Variants in SULT2B1 observed in about 807,000 individuals in gnomAD.
The protein encoded by SULT2B1 is sulfotransferase 2B1.
Under a neutral mutation model 33.2 loss-of-function variants are expected in SULT2B1, and 16 were observed. The observed-to-expected ratio is 0.48, with a 90% CI of 0.33 to 0.73. SULT2B1 has a LOEUF of 0.73. Ranked by LOEUF, SULT2B1 falls within the 30% of genes least tolerant of loss-of-function variation. The pLI is 0.02. For missense variants in SULT2B1, 500 were observed against 506.0 expected (o/e 0.99, Z 0.11); for synonymous variants, 186 against 200.5 (o/e 0.93, Z 0.61).
intron 1 of SULT2B1, among the ~76,000 whole-genome samples, chr19:48,558,542 G>A (rs1298915731): frequency 6.6e-6 from 1 of 152,122 alleles, no homozygotes; most frequent in Non-Finnish European, 1.5e-5. Context: ...TCTTATTGAC[G>A]GGGAGGGCGA....
At chr19:48,553,812 G>A (rs967941752) in intron 1 of SULT2B1, among the ~76,000 whole-genome samples, 3 of 152,206 alleles carry the variant, frequency 2.0e-5, no homozygotes, top group Non-Finnish European at 2.9e-5. Context: ...CCAGTTCTGC[G>A]TGAGGGAGGC....
intron 1 of SULT2B1, among the ~76,000 whole-genome samples, chr19:48,559,287 G>C (rs1009870178): frequency 6.6e-6 from 1 of 152,146 alleles, no homozygotes; most frequent in Admixed American, 6.5e-5. Flanking sequence ...CCTGTGTACG[G>C]ACTGGCAGAG....
chr19:48,599,398 C>A lies in SULT2B1; in HGVS notation c.1090C>A (p.Pro364Thr). 2 of 1,553,034 alleles carry A rather than the reference C, an allele frequency of 1.3e-6. No homozygotes were observed. Among genetic ancestry groups the A allele is most frequent in the Non-Finnish European group, 1.7e-6 (2 of 1,148,368 alleles). Residue 364 changes from proline (P) to threonine (T), a missense_variant, in exon 7 of 7, where the codon CCC becomes ACC. Pro to Thr is a conservative substitution (Grantham distance 38). Transcript: ENST00000201586. This position sits in a 1 kb window ranked among gnomAD's most constrained non-coding sequence, Gnocchi z 4.1. ...GGCCTCTGAGACCCCGCACCCACGACCCTCATAATAAACACGTCGATTCTG... is the reference window on the plus strand; with the variant it reads ...GGCCTCTGAGACCCCGCACCCACGAACCTCATAATAAACACGTCGATTCTG... ...GQASETPHPR[P>T]S
intron 3 of SULT2B1, among the ~76,000 whole-genome samples, chr19:48,588,016 C>T (rs1973590133): frequency 6.6e-6 from 1 of 151,022 alleles, no homozygotes; most frequent in Non-Finnish European, 1.5e-5. Flanking sequence ...TCAATACCAG[C>T]TTGGCCAACA....
rs183651057 is a variant in SULT2B1 at position 48,564,226 on chromosome 19, C to T, written c.72-11715C>T. Among the ~76,000 whole-genome samples the T allele has an allele frequency of 5.0e-3, 741 of 149,678 alleles. 5 individuals are homozygous for T. The highest frequency in any genetic ancestry group is 7.3e-3 in the Non-Finnish European group (492 of 67,494). On this transcript the variant is annotated intron_variant, in intron 1 of 6. Transcript: ENST00000201586. ...GCACCACTGCACTCCAGCCTGGCGACAGAGCAAGACTCTGTCTCAAAAAAT... is the reference window on the plus strand; with the variant it reads ...GCACCACTGCACTCCAGCCTGGCGATAGAGCAAGACTCTGTCTCAAAAAAT...
At position 48,575,946 on chromosome 19, in the gene SULT2B1, A is replaced by C; in HGVS notation, c.77A>C (p.Lys26Thr). The C allele has an allele frequency of 6.2e-7, 1 of 1,612,016 alleles. No homozygotes were observed. The highest frequency in any genetic ancestry group is 8.5e-7 in the Non-Finnish European group (1 of 1,178,360). Residue 26 changes from lysine to threonine, a missense_variant, in exon 2 of 7, where the codon AAG becomes ACG. Physicochemically the swap from Lys to Thr is moderately conservative, Grantham distance 78. Transcript: ENST00000201586. ...YEDDISEISQ[K>T]LPGEYFRYKG... The stretch of plus-strand genomic sequence containing the variant: ...TCTCCCCCACCTTTCCACAGCCAGA[A>C]GTTGCCAGGTGAATACTTCCGGTAC...
chr19:48,557,153 G>A (rs1276928586), intron 1 of SULT2B1, among the ~76,000 whole-genome samples: 5 of 152,132 alleles, frequency 3.3e-5, no homozygotes, highest in East Asian at 3.8e-4. Flanking sequence ...CTCAAGGGAC[G>A]GGTAGATGCC....
chr19:48,591,746 G>C lies in SULT2B1; in HGVS notation c.550+11G>C. On this transcript the variant is annotated intron_variant, in intron 4 of 6. Coordinates refer to ENST00000201586, the MANE Select transcript of SULT2B1 (RefSeq NM_177973.2). Reference sequence around the variant, plus strand: ...TCCTCAAAGGCGAAGGTGGGGACAGGGTAAAGCGGGGCAGGAGGGGTGGGG... The same window carrying C: ...TCCTCAAAGGCGAAGGTGGGGACAGCGTAAAGCGGGGCAGGAGGGGTGGGG... 6.4e-7 allele frequency: 1 copy of C among 1,569,504 alleles called. No individual in the cohort carries two copies. The highest frequency in any genetic ancestry group is 1.9e-5 in the Admixed American group (1 of 52,414).
intron 2 of SULT2B1, among the ~76,000 whole-genome samples, chr19:48,581,029 CT>C (rs57093444): frequency 1.8e-3 from 118 of 65,082 alleles, no homozygotes; most frequent in African/African-American, 5.1e-3. Context: ...ATATATATTC[CT>C]TTTTTTTTTT....
At chr19:48,581,703 C>T (rs943853248) in intron 2 of SULT2B1, among the ~76,000 whole-genome samples, 2 of 150,866 alleles carry the variant, frequency 1.3e-5, no homozygotes, top group Non-Finnish European at 3.0e-5. Context: ...GTGATCCACC[C>T]GCCTCGGCCT....
Position 48,583,095 on chromosome 19 carries a change from G to A in SULT2B1, c.215-4134G>A, listed in dbSNP as rs545880099. 4.0e-5 allele frequency among the ~76,000 whole-genome samples: 6 copies of A among 149,084 alleles called. 1 individual carries two copies. Among genetic ancestry groups the A allele is most frequent in the Non-Finnish European group, 5.9e-5 (4 of 67,722 alleles). On this transcript the variant is annotated intron_variant, in intron 2 of 6. Transcript: ENST00000201586. ...GAACCCTGGAGGTGGAGGTTGCAGTGAGCCGAGATCACTCCATTGCACTCC... is the reference window on the plus strand; with the variant it reads ...GAACCCTGGAGGTGGAGGTTGCAGTAAGCCGAGATCACTCCATTGCACTCC...
intron 2 of SULT2B1, among the ~76,000 whole-genome samples, chr19:48,577,059 G>A (rs1285792982): frequency 6.1e-5 from 7 of 114,492 alleles, no homozygotes; most frequent in East Asian, 5.4e-4. Flanking sequence ...TTTTTGTGAC[G>A]GAGTCTCTCT....
chr19:48,590,494 C>G (rs1021197133), intron 3 of SULT2B1, among the ~76,000 whole-genome samples: 1 of 151,830 alleles, frequency 6.6e-6, no homozygotes, highest in Non-Finnish European at 1.5e-5. Context: ...CCCAGCTACT[C>G]GGGAGGCTGA....
At chr19:48,571,366 T>G (rs1973325590) in intron 1 of SULT2B1, among the ~76,000 whole-genome samples, 1 of 151,376 alleles carries the variant, frequency 6.6e-6, no homozygotes, top group South Asian at 2.1e-4. Flanking sequence ...CCAGCTAATT[T>G]TTGTATTTTT....
chr19:48,554,837 G>T (rs1601082960), intron 1 of SULT2B1, among the ~76,000 whole-genome samples: 2 of 151,450 alleles, frequency 1.3e-5, no homozygotes, highest in Admixed American at 6.6e-5. Context: ...CTGTGTCAGA[G>T]ATGAGGCCCA....
At chr19:48,562,113 G>A (rs1376859961) in intron 1 of SULT2B1, among the ~76,000 whole-genome samples, 1 of 152,102 alleles carries the variant, frequency 6.6e-6, no homozygotes, top group Non-Finnish European at 1.5e-5. Flanking sequence ...TAGGTCAGGT[G>A]TGGTGGCTTA....
At chr19:48,589,336 G>A (rs1010006764) in intron 3 of SULT2B1, among the ~76,000 whole-genome samples, 4 of 152,116 alleles carry the variant, frequency 2.6e-5, no homozygotes, top group African/African-American at 7.2e-5. Flanking sequence ...AGCAGGCGGG[G>A]GAGGAAGACA....
chr19:48,558,250 A>G (rs1262698512), intron 1 of SULT2B1, among the ~76,000 whole-genome samples: 7 of 152,332 alleles, frequency 4.6e-5, no homozygotes, highest in African/African-American at 1.2e-4. Context: ...GCCTGACTGT[A>G]TCACGCCCTG....
chr19:48,591,687 G>A lies in SULT2B1; in HGVS notation c.502G>A (p.Asp168Asn), dbSNP rs775399633. 1.1e-5 allele frequency: 18 copies of A among 1,612,710 alleles called. No individual in the cohort carries two copies. The highest frequency in any genetic ancestry group is 3.3e-5 in the Admixed American group (2 of 59,828). The change falls in exon 4 of 7, where the codon GAC becomes AAC. Residue 168 changes from aspartate (D) to asparagine (N), a missense_variant. Asp to Asn is a conservative substitution (Grantham distance 23). Coordinates refer to ENST00000201586, the MANE Select transcript of SULT2B1 (RefSeq NM_177973.2). ...HYSKIAGQLKDPGTPDQFLRD... is the reference protein window; with the variant it reads ...HYSKIAGQLKNPGTPDQFLRD... The stretch of plus-strand genomic sequence containing the variant: ...CTCCAAGATCGCCGGGCAGTTAAAG[G>A]ACCCGGGCACACCCGACCAGTTCCT...
Sources: gnomAD v4.1 joint callset for allele counts (sites outside exome capture counted in the v4.1 genomes callset) on GRCh38, gnomAD v4.1.1 for gene constraint, Gnocchi (gnomAD v3.1) non-coding constraint, MANE v1.5 for transcripts, NCBI Gene and HGNC (gene_info 2026-07-23, HGNC 2026-07-21) for gene names.